Variants in TAF4B observed in about 807,000 individuals in gnomAD.
The protein encoded by TAF4B is TATA-box binding protein associated factor 4b.
A neutral mutation model predicts 86.4 loss-of-function variants in TAF4B; 38 were observed. That is an observed-to-expected ratio of 0.44 (90% CI 0.34 to 0.58). The LOEUF (loss-of-function observed/expected upper bound fraction) is 0.58. TAF4B is among the 20% of genes least tolerant of loss of function. TAF4B has a pLI of 0.02. For synonymous variants in TAF4B, 388 were observed against 391.2 expected, an observed-to-expected ratio of 0.99 and a Z score of 0.10; for missense variants, 988 against 1,027.6, an observed-to-expected ratio of 0.96 and a Z score of 0.53.
At chr18:26,238,320 T>G (rs2055781187) in intron 1 of TAF4B, among the ~76,000 whole-genome samples, 1 of 152,166 alleles carries the variant, frequency 6.6e-6, no homozygotes, top group Admixed American at 6.5e-5. Flanking sequence ...TCTCCAGGGT[T>G]GGAAGAGTGA....
At chr18:26,279,945 G>C (rs1387833614) in intron 5 of TAF4B, among the ~76,000 whole-genome samples, 19 of 151,994 alleles carry the variant, frequency 1.3e-4, no homozygotes, top group Admixed American at 1.2e-3. Context: ...TCAGGAGGCC[G>C]AGGCAGGGGA....
At chr18:26,228,226 T>C (rs1032254957) in intron 1 of TAF4B, among the ~76,000 whole-genome samples, 1 of 152,222 alleles carries the variant, frequency 6.6e-6, no homozygotes, top group African/African-American at 2.4e-5. Flanking sequence ...GAGTTTGCTT[T>C]CTGTTAATTT....
At chr18:26,349,633 G>A (rs1240471211) in intron 13 of TAF4B, among the ~76,000 whole-genome samples, 2 of 152,172 alleles carry the variant, frequency 1.3e-5, no homozygotes, top group Non-Finnish European at 2.9e-5. Context: ...ACTAGCCAAA[G>A]CAATCAACAG....
chr18:26,339,337 T>C (rs2057118447), intron 13 of TAF4B, among the ~76,000 whole-genome samples: 1 of 152,150 alleles, frequency 6.6e-6, no homozygotes, highest in Non-Finnish European at 1.5e-5. Context: ...TTTTTTGTTT[T>C]TGTTTTTGAG....
In TAF4B at chr18:26,274,518, G is replaced by A. The variant is rs2056358978; in HGVS notation, c.598-145G>A. The A allele has an allele frequency of 3.7e-6, 3 of 813,470 alleles. No individual in the cohort carries two copies. In the South Asian group the frequency reaches 6.0e-5, roughly 16 times the overall value. The allele number at this position is 813,470 out of a possible 1,614,324, so 50.4% of individuals were successfully genotyped here. A position where few individuals can be genotyped will look rare whatever the true frequency, so the allele number is the denominator to read the frequency against. On this transcript the variant is annotated intron_variant, in intron 3 of 14. Transcript: ENST00000269142. ...GATCTGCTAGACTCAAGAGTTCCTA[G>A]AACTGTATTATATTGCCTTAGACTA...
chr18:26,347,897 C>G (rs879854534), intron 13 of TAF4B, among the ~76,000 whole-genome samples: 1 of 152,220 alleles, frequency 6.6e-6, no homozygotes, highest in Non-Finnish European at 1.5e-5. Context: ...GTACCCAACA[C>G]TGGACCACTC....
intron 1 of TAF4B, among the ~76,000 whole-genome samples, chr18:26,227,917 G>A (rs987841365): frequency 6.6e-6 from 1 of 152,230 alleles, no homozygotes; most frequent in African/African-American, 2.4e-5. Context: ...GAATAATGCT[G>A]TTCCTGCACA....
At chr18:26,360,992 C>G (rs931203268) in intron 14 of TAF4B, among the ~76,000 whole-genome samples, 1 of 151,948 alleles carries the variant, frequency 6.6e-6, no homozygotes, top group African/African-American at 2.4e-5. Flanking sequence ...TGCTAGTGGC[C>G]ACTATATTGG....
At chr18:26,362,565 A>C (rs1194104522) in intron 14 of TAF4B, among the ~76,000 whole-genome samples, 2 of 152,172 alleles carry the variant, frequency 1.3e-5, no homozygotes, top group Non-Finnish European at 2.9e-5. Context: ...GGTTAGGGAG[A>C]AAACCGAATG....
At chr18:26,286,885 T>C (rs193080894) in intron 7 of TAF4B, among the ~76,000 whole-genome samples, 81 of 152,268 alleles carry the variant, frequency 5.3e-4, no homozygotes, top group Non-Finnish European at 1.0e-3. Flanking sequence ...AGTTTCTCCA[T>C]GTTGGCCAGG....
chr18:26,244,065 C>G (rs1387573322), intron 1 of TAF4B, among the ~76,000 whole-genome samples: 1 of 152,232 alleles, frequency 6.6e-6, no homozygotes, highest in East Asian at 1.9e-4. Flanking sequence ...TATCCAATCT[C>G]AAACTCCGTG....
At chr18:26,284,199 C>G (rs1311681320) in intron 6 of TAF4B, among the ~76,000 whole-genome samples, 2 of 152,240 alleles carry the variant, frequency 1.3e-5, no homozygotes, top group African/African-American at 4.8e-5. Flanking sequence ...CTCCTAACTT[C>G]ATACTTTTCT....
At chr18:26,265,339 ATCTT>A (rs779083351) in intron 2 of TAF4B, 24 bp downstream of exon 2, 6 of 1,571,264 alleles carry the variant, frequency 3.8e-6, no homozygotes, top group East Asian at 2.3e-5. Flanking sequence ...AATATTTTTC[ATCTT>A]TCTTTGTTTC....
intron 6 of TAF4B, among the ~76,000 whole-genome samples, chr18:26,282,273 A>C (rs1197470069): frequency 2.0e-5 from 3 of 152,198 alleles, no homozygotes; most frequent in African/African-American, 7.2e-5. Context: ...TTATTCATGA[A>C]CATAAGTTCA....
chr18:26,384,893 C>T (rs558588098), intron 14 of TAF4B, among the ~76,000 whole-genome samples: 10 of 152,252 alleles, frequency 6.6e-5, no homozygotes, highest in Admixed American at 5.9e-4. Context: ...GAGGAGACAA[C>T]GAGTGTTTGC....
intron 1 of TAF4B, among the ~76,000 whole-genome samples, chr18:26,243,271 C>T (rs2055868666): frequency 6.6e-6 from 1 of 152,116 alleles, no homozygotes; most frequent in African/African-American, 2.4e-5. Flanking sequence ...TTCCTGGAGG[C>T]TTTGTTTATT....
At chr18:26,338,509 G>A (rs2057111301) in intron 13 of TAF4B, among the ~76,000 whole-genome samples, 1 of 104,372 alleles carries the variant, frequency 9.6e-6, no homozygotes, top group Non-Finnish European at 1.8e-5. Flanking sequence ...ACGGAATTTC[G>A]CTCTTGTTGC....
At chr18:26,338,284 C>T (rs139136035) in intron 13 of TAF4B, among the ~76,000 whole-genome samples, 6,599 of 151,796 alleles carry the variant, frequency 0.043, 200 homozygotes, top group Non-Finnish European at 0.061. Context: ...CCTGTCTCTA[C>T]TAAAAATACA....
At chr18:26,295,210 C>T (rs186039031) in intron 9 of TAF4B, 21 of 412,186 alleles carry the variant, frequency 5.1e-5, no homozygotes, top group East Asian at 8.0e-5. Context: ...CTTTTATATG[C>T]GTATATTAAA....
Sources: gnomAD v4.1 joint callset for allele counts (sites outside exome capture counted in the v4.1 genomes callset) on GRCh38, gnomAD v4.1.1 for gene constraint, MANE v1.5 for transcripts, NCBI Gene and HGNC (gene_info 2026-07-23, HGNC 2026-07-21) for gene names.